DNAH17: variants seen among roughly 807,000 people sequenced by gnomAD.
DNAH17 encodes axonemal beta dynein heavy chain 17.
DNAH17 carries 376 observed loss-of-function variants against 485.6 expected under a neutral mutation model. The ratio of observed to expected loss-of-function variants is 0.77; its 90% CI spans 0.71 to 0.84. The LOEUF is 0.84. DNAH17 is among the 40% of genes least tolerant of loss of function. The pLI is 0.00. For missense variants in DNAH17, 6,370 were observed against 5,839.3 expected (o/e 1.09, Z -2.96); for synonymous variants, 3,031 against 2,405.9 (o/e 1.26, Z -7.60).
chr17:78,465,244 C>G (rs1487363758), intron 56 of DNAH17, among the ~76,000 whole-genome samples: 1 of 152,094 alleles, frequency 6.6e-6, no homozygotes, highest in Non-Finnish European at 1.5e-5. Context: ...CAATGGTGCC[C>G]AGGCTGGAGT....
rs1231897050 is a variant in DNAH17 at position 78,484,822 on chromosome 17, A to G, written c.7649+46T>C. 4 of 1,248,220 alleles carry G rather than the reference A, an allele frequency of 3.2e-6. No individual in the cohort carries two copies. In the South Asian group the frequency reaches 4.4e-5, roughly 14 times the overall value. 77.3% of individuals were successfully genotyped at this position (1,248,220 alleles called of 1,614,324 possible). On this transcript the variant is annotated intron_variant, in intron 48 of 80. Coordinates refer to ENST00000389840, the MANE Select transcript of DNAH17 (RefSeq NM_173628.4). Reference sequence around the variant, plus strand: ...TGCGCCCCGCCCTGGCCCCGCCCTCACCGCCCCGGGGCCACGCCTTCCCCT... The same window carrying G: ...TGCGCCCCGCCCTGGCCCCGCCCTCGCCGCCCCGGGGCCACGCCTTCCCCT...
chr17:78,505,238 C>A, intron 31 of DNAH17, 55 bp downstream of exon 31: 1 of 1,605,258 alleles, frequency 6.2e-7, no homozygotes, highest in South Asian at 1.1e-5. Context: ...GTGTGGCCCA[C>A]ACGCGTGCTG....
At position 78,496,011 on chromosome 17, in the gene DNAH17, T is replaced by C. The variant is rs1254787440; in HGVS notation, c.5767A>G (p.Ile1923Val). The change falls in exon 38 of 81, where the codon ATT becomes GTT. Residue 1923 changes from isoleucine to valine, a missense_variant. Physicochemically the swap from Ile to Val is conservative, Grantham distance 29 (BLOSUM62 3). Coordinates refer to ENST00000389840, the MANE Select transcript of DNAH17 (RefSeq NM_173628.4). ...TTGAATGCTTTTTTCTTGGCCCGAA[T>C]TGCATCCTGGACACATTTTACCTGC... is the stretch of plus-strand genomic sequence containing the variant. ...AVQVKCVQDAIRAKKKAFNFL... is the reference protein window; with the variant it reads ...AVQVKCVQDAVRAKKKAFNFL... 6.2e-7 allele frequency: 1 copy of C among 1,613,750 alleles called. No homozygotes were observed. The highest frequency in any genetic ancestry group is 8.5e-7 in the Non-Finnish European group (1 of 1,179,756).
intron 75 of DNAH17, among the ~76,000 whole-genome samples, chr17:78,431,811 C>T (rs750163536): frequency 3.3e-5 from 5 of 152,094 alleles, no homozygotes; most frequent in East Asian, 1.9e-4. Flanking sequence ...GGTACTCGCG[C>T]GGCTTCTCAG....
At chr17:78,516,833 CT>C (rs1158298481) in intron 25 of DNAH17, among the ~76,000 whole-genome samples, 1 of 152,142 alleles carries the variant, frequency 6.6e-6, no homozygotes, top group African/African-American at 2.4e-5. Context: ...GTTTCTCCCC[CT>C]GTGTAAGAAA....
intron 75 of DNAH17, among the ~76,000 whole-genome samples, chr17:78,430,104 T>C (rs780390324): frequency 2.0e-5 from 3 of 152,222 alleles, no homozygotes; most frequent in Non-Finnish European, 4.4e-5. Flanking sequence ...AACATTCTTC[T>C]TCCTACAAAG....
In DNAH17 at chr17:78,484,598, G is replaced by A. The variant is rs374980218; in HGVS notation, c.7649+270C>T. 8.5e-5 allele frequency among the ~76,000 whole-genome samples: 13 copies of A among 152,164 alleles called. No individual in the cohort carries two copies. The East Asian group carries it at 2.3e-3, about 27-fold the overall frequency. On this transcript the variant is annotated intron_variant, in intron 48 of 80. Transcript: ENST00000389840. Reference sequence around the variant, plus strand: ...ATCCCCCCCTCCGCGGGGGCTCTAGGCCACTGCTGCATGTTTGTGAAATGG... The same window carrying A: ...ATCCCCCCCTCCGCGGGGGCTCTAGACCACTGCTGCATGTTTGTGAAATGG...
intron 50 of DNAH17, among the ~76,000 whole-genome samples, 174 bp downstream of exon 50, chr17:78,479,311 T>TC (rs1315030699): frequency 2.0e-5 from 3 of 152,260 alleles, no homozygotes; most frequent in African/African-American, 7.2e-5. Flanking sequence ...AGCCCCTACC[T>TC]CCCCATGAAG....
chr17:78,541,224 T>G (rs1457732689), intron 17 of DNAH17, among the ~76,000 whole-genome samples: 2 of 3,344 alleles, frequency 6.0e-4, no homozygotes, highest in Admixed American at 4.8e-3. Context: ...GGTGGGGGGG[T>G]GAGCGGATGG....
At chr17:78,555,693 G>A (rs1360121970) in intron 14 of DNAH17, among the ~76,000 whole-genome samples, 2 of 152,158 alleles carry the variant, frequency 1.3e-5, no homozygotes, top group Admixed American at 6.6e-5. Flanking sequence ...GCCACAGGGT[G>A]CCCAGATTAA....
At chr17:78,438,924 G>A in intron 73 of DNAH17, 166 bp downstream of exon 73, 1 of 1,057,060 alleles carries the variant, frequency 9.5e-7, no homozygotes, top group South Asian at 1.7e-5. Context: ...GCTGACCCCA[G>A]CAGAGCCGAC....
chr17:78,449,322 G>A (rs78320412), intron 69 of DNAH17, 92 bp downstream of exon 69: 2 of 1,341,136 alleles, frequency 1.5e-6, no homozygotes, highest in Non-Finnish European at 2.0e-6. Flanking sequence ...TTTGGGTGGG[G>A]GCCCAACAAT....
At position 78,428,552 on chromosome 17, in the gene DNAH17, T is replaced by C. The variant is rs527598076; in HGVS notation, c.12561A>G (p.Ala4187=). 1 of 1,611,896 alleles carries C rather than the reference T, an allele frequency of 6.2e-7. No homozygotes were observed. The highest frequency in any genetic ancestry group is 1.3e-5 in the African/African-American group (1 of 74,986). The part of the protein sequence containing the change: ...EMQPKETDSG[A]GTGVSREEKV... ...TCTCCTCGCGGGACACTCCCGTGCC[T>C]GCCCCCGAGTCCGTCTCTTTTGGCT... Residue 4187 remains alanine (A), a synonymous_variant, in exon 77 of 81, where the codon GCA becomes GCG. Coordinates refer to ENST00000389840, the MANE Select transcript of DNAH17 (RefSeq NM_173628.4).
At chr17:78,438,866 A>C (rs1390920202) in intron 73 of DNAH17, among the ~76,000 whole-genome samples, 1 of 152,102 alleles carries the variant, frequency 6.6e-6, no homozygotes, top group Non-Finnish European at 1.5e-5. Flanking sequence ...CTCACCGTTG[A>C]AGAATCCACG....
intron 2 of DNAH17, 92 bp from the exon 3 acceptor site, chr17:78,572,986 C>G: frequency 8.4e-7 from 1 of 1,186,482 alleles, no homozygotes. Context: ...TCCAAAGACC[C>G]GGTGTCTGGA....
In DNAH17 at chr17:78,486,323, C is replaced by A. The variant is rs368448454; in HGVS notation, c.7002G>T (p.Thr2334=). The A allele has an allele frequency of 6.2e-7, 1 of 1,613,660 alleles. No individual in the cohort carries two copies. The highest frequency in any genetic ancestry group is 8.5e-7 in the Non-Finnish European group (1 of 1,179,710). Residue 2334 remains threonine, a synonymous_variant, in exon 45 of 81, where the codon ACG becomes ACT. Transcript: ENST00000389840. ...GGGAGTCGGGGGGCACGGTCTTCTC[C>A]GTGAGCAGGCACTCCAGCAGGTACA... The part of the protein sequence containing the change: ...TILYLLECLL[T]EKTVPPDSPR...
At chr17:78,516,283 T>C (rs2090776524) in intron 25 of DNAH17, among the ~76,000 whole-genome samples, 1 of 152,238 alleles carries the variant, frequency 6.6e-6, no homozygotes, top group Non-Finnish European at 1.5e-5. Flanking sequence ...TGTCATCTCC[T>C]GGGAAATGTG....
At chr17:78,564,243 T>C (rs1041833504) in intron 11 of DNAH17, among the ~76,000 whole-genome samples, 2 of 152,182 alleles carry the variant, frequency 1.3e-5, no homozygotes, top group African/African-American at 4.8e-5. Flanking sequence ...CCCAGACCCG[T>C]ACGCTGGTCC....
intron 48 of DNAH17, 78 bp from the exon 49 acceptor site, chr17:78,480,864 A>G (rs1354280063): frequency 2.1e-6 from 2 of 951,856 alleles, no homozygotes; most frequent in Non-Finnish European, 3.3e-6. Context: ...GCTCCCAAGA[A>G]TGCCCTCCTT....
Sources: allele counts gnomAD v4.1 joint callset (sites outside exome capture counted in the v4.1 genomes callset), GRCh38; gene constraint gnomAD v4.1.1; transcripts MANE v1.5; gene names NCBI Gene and HGNC (gene_info 2026-07-23, HGNC 2026-07-21).